Variants in LARP4B observed in about 807,000 individuals in gnomAD.
The protein encoded by LARP4B is La ribonucleoprotein 4B.
A neutral mutation model predicts 89.8 loss-of-function variants in LARP4B; 12 were observed. That is an observed-to-expected ratio of 0.13 (90% CI 0.09 to 0.22). LARP4B has a LOEUF of 0.22. LARP4B is among the 10% of genes least tolerant of loss of function. The pLI is 1.00. For missense variants in LARP4B, 757 were observed against 947.7 expected, an observed-to-expected ratio of 0.80 and a Z score of 2.64; for synonymous variants, 367 against 363.3, an observed-to-expected ratio of 1.01 and a Z score of -0.12.
chr10:975,826 C>T, the LARP4B span, among the ~76,000 whole-genome samples: 445 of 124,678 alleles, frequency 3.6e-3, 3 homozygotes, highest in African/African-American at 0.011. Context: ...AAGCCTCTCG[C>T]GCAACGTGTG....
At chr10:986,826 G>C in the LARP4B span, 1 of 152,262 alleles carries the variant, frequency 6.6e-6, no homozygotes, top group Non-Finnish European at 1.5e-5. Flanking sequence ...TGTAATCCCA[G>C]CTACTTGGGA....
At chr10:842,255 T>C (rs1379095714) in intron 7 of LARP4B, among the ~76,000 whole-genome samples, 1 of 152,042 alleles carries the variant, frequency 6.6e-6, no homozygotes, top group African/African-American at 2.4e-5. Flanking sequence ...TGGAGTGCAA[T>C]GGCACAATCT....
In LARP4B at chr10:822,342, C is replaced by T. The variant is rs1031297363; in HGVS notation, c.1485-1497G>A. On this transcript the variant is annotated intron_variant, in intron 13 of 17. Coordinates refer to ENST00000316157, the MANE Select transcript of LARP4B (RefSeq NM_015155.3). The surrounding 1 kb of genome is among the most constrained non-coding windows in gnomAD (Gnocchi z 4.6). ...GCAGCCACATGGGCAGAGGACATCCCGCAGGGCTCGGCACAGGGCATCCCT... is the reference window on the plus strand; with the variant it reads ...GCAGCCACATGGGCAGAGGACATCCTGCAGGGCTCGGCACAGGGCATCCCT... Among the ~76,000 whole-genome samples the T allele has an allele frequency of 2.0e-5, 3 of 152,214 alleles. No individual in the cohort carries two copies. The highest frequency in any genetic ancestry group is 4.8e-5 in the African/African-American group (2 of 41,464).
At chr10:938,376 G>C in the LARP4B span, among the ~76,000 whole-genome samples, 3 of 151,398 alleles carry the variant, frequency 2.0e-5, no homozygotes, top group African/African-American at 7.3e-5. Flanking sequence ...TCAGCCTCCC[G>C]AGTAGCTGGG....
intron 5 of LARP4B, among the ~76,000 whole-genome samples, chr10:858,086 T>C (rs1834401281): frequency 6.6e-6 from 1 of 152,176 alleles, no homozygotes. Flanking sequence ...TAAAAATTTT[T>C]TAAGCTTAAA....
chr10:984,505 C>G, the LARP4B span, among the ~76,000 whole-genome samples: 1 of 152,172 alleles, frequency 6.6e-6, no homozygotes, highest in Non-Finnish European at 1.5e-5. Context: ...TAGAAACACC[C>G]CTTATCAGCA....
intron 3 of LARP4B, among the ~76,000 whole-genome samples, chr10:865,504 A>C (rs1834856517): frequency 6.6e-6 from 1 of 152,072 alleles, no homozygotes; most frequent in African/African-American, 2.4e-5. Flanking sequence ...TTCCAGGCAC[A>C]CTGACCTCCT....
chr10:880,084 C>A (rs1835610289), intron 3 of LARP4B, among the ~76,000 whole-genome samples: 1 of 151,984 alleles, frequency 6.6e-6, no homozygotes, highest in African/African-American at 2.4e-5. Flanking sequence ...CAAGTCTGTT[C>A]TTAAAACAGA....
chr10:837,267 A>G (rs570102966), intron 7 of LARP4B, among the ~76,000 whole-genome samples: 1 of 152,340 alleles, frequency 6.6e-6, no homozygotes, highest in East Asian at 1.9e-4. Flanking sequence ...TTAATCTGAC[A>G]AAAGATCATC....
chr10:935,722 C>CTTT (rs10711022), upstream of LARP4B, among the ~76,000 whole-genome samples: 18 of 83,878 alleles, frequency 2.1e-4, no homozygotes, highest in East Asian at 3.4e-4. Context: ...CTTTTCTTTT[C>CTTT]TTTTTTTTTT....
At chr10:844,108 A>G (rs1833660260) in intron 6 of LARP4B, among the ~76,000 whole-genome samples, 1 of 152,196 alleles carries the variant, frequency 6.6e-6, no homozygotes, top group African/African-American at 2.4e-5. Context: ...ATGACTGCCG[A>G]TCAAACGGAG....
At chr10:911,381 C>G (rs1249385772) in intron 1 of LARP4B, among the ~76,000 whole-genome samples, 2 of 151,878 alleles carry the variant, frequency 1.3e-5, no homozygotes, top group African/African-American at 4.8e-5. Flanking sequence ...CTGCTTTTTC[C>G]TCTTTTGGAT....
chr10:826,268 A>G (rs1176099431), intron 11 of LARP4B, among the ~76,000 whole-genome samples: 1 of 152,146 alleles, frequency 6.6e-6, no homozygotes, highest in Non-Finnish European at 1.5e-5. Flanking sequence ...AACATTCTCA[A>G]TCTTAGGAGC....
upstream of LARP4B, among the ~76,000 whole-genome samples, chr10:932,511 C>T (rs1830676311): frequency 9.4e-6 from 1 of 106,878 alleles, no homozygotes; most frequent in Admixed American, 8.9e-5. Context: ...ACCAAGGCCC[C>T]GGCCCTGCCC....
chr10:914,514 G>A (rs1343171756), intron 1 of LARP4B, among the ~76,000 whole-genome samples: 9 of 146,666 alleles, frequency 6.1e-5, no homozygotes, highest in African/African-American at 1.5e-4. Flanking sequence ...AAAAAAAGTC[G>A]AGTGAGGCGT....
intron 3 of LARP4B, among the ~76,000 whole-genome samples, chr10:881,286 C>A (rs1835657438): frequency 6.6e-6 from 1 of 152,198 alleles, no homozygotes; most frequent in Non-Finnish European, 1.5e-5. Context: ...CTTCTATCAC[C>A]TTACCTTCAA....
rs549227958 is a variant in LARP4B at position 846,776 on chromosome 10, T to C, written c.431-1721A>G. 3.3e-5 allele frequency among the ~76,000 whole-genome samples: 5 copies of C among 152,056 alleles called. No homozygotes were observed. The South Asian group carries it at 6.2e-4, about 19-fold the overall frequency. On this transcript the variant is annotated intron_variant, in intron 5 of 17. Coordinates refer to ENST00000316157, the MANE Select transcript of LARP4B (RefSeq NM_015155.3). ...GCACTAGGGAGGACTCTCCAAGCGA[T>C]AGGTGGTGCCGAAGCCACAAGGGAA...
chr10:843,909 T>C (rs2131735730), intron 6 of LARP4B, among the ~76,000 whole-genome samples: 1 of 152,240 alleles, frequency 6.6e-6, no homozygotes, highest in African/African-American at 2.4e-5. Flanking sequence ...AATCCAAAGG[T>C]GAGCCACAAA....
intron 1 of LARP4B, among the ~76,000 whole-genome samples, chr10:905,455 A>T (rs1482379546): frequency 6.6e-6 from 1 of 152,228 alleles, no homozygotes; most frequent in East Asian, 1.9e-4. Flanking sequence ...CACACCTCAG[A>T]AGTCAAGACA....
Sources: gnomAD v4.1 joint callset for allele counts (sites outside exome capture counted in the v4.1 genomes callset) on GRCh38, gnomAD v4.1.1 for gene constraint, Gnocchi (gnomAD v3.1) non-coding constraint, MANE v1.5 for transcripts, NCBI Gene and HGNC (gene_info 2026-07-23, HGNC 2026-07-21) for gene names.